The following PRRG1 variants were observed in gnomAD, a reference collection of about 807,000 sequenced individuals.
PRRG1 encodes the protein proline rich and Gla domain 1.
Under a neutral mutation model 11.8 loss-of-function variants are expected in PRRG1, and 5 were observed. The observed-to-expected ratio is 0.42, with a 90% CI of 0.22 to 0.89. The LOEUF (loss-of-function observed/expected upper bound fraction) is 0.89, where lower values mean the gene tolerates loss of function less well. PRRG1 is among the 40% of genes least tolerant of loss of function. The pLI is 0.28. For missense variants in PRRG1, 155 were observed against 166.1 expected (o/e 0.93, Z 0.37); for synonymous variants, 66 against 60.4 (o/e 1.09, Z -0.43).
intron 3 of PRRG1, chrX:37,441,343 A>G: frequency 1.3e-6 from 1 of 756,211 alleles, no homozygotes; most frequent in African/African-American, 2.3e-5. Flanking sequence ...TGGGTTGCAC[A>G]TGGAACATAG....
intron 2 of PRRG1, among the ~76,000 whole-genome samples, chrX:37,423,441 T>C (rs1932715829): frequency 9.0e-6 from 1 of 110,628 alleles, no homozygotes; most frequent in African/African-American, 3.3e-5. Flanking sequence ...GTAAAAACAT[T>C]ATAGTAAGCC....
At chrX:37,451,087 G>A (rs1349635305) in intron 3 of PRRG1, among the ~76,000 whole-genome samples, 2 of 111,457 alleles carry the variant, frequency 1.8e-5, no homozygotes, top group African/African-American at 3.3e-5. Flanking sequence ...ACGCAATCTC[G>A]GCTCACCCGC....
At chrX:37,354,391 T>A (rs782131291) in intron 1 of PRRG1, among the ~76,000 whole-genome samples, 6 of 107,064 alleles carry the variant, frequency 5.6e-5, no homozygotes, top group South Asian at 4.1e-4. Context: ...ATTTTTATTT[T>A]TTTATTTTTT....
rs782550532 is a variant in PRRG1 at position 37,371,220 on chromosome X, T to C, written c.-42+21825T>C. Among the ~76,000 whole-genome samples the C allele has an allele frequency of 3.4e-4, 38 of 111,909 alleles. No homozygotes were observed. In the South Asian group the frequency reaches 0.014, roughly 41 times the overall value. On this transcript the variant is annotated intron_variant, in intron 1 of 3. Transcript: ENST00000378628. The stretch of plus-strand genomic sequence containing the variant: ...AACCAGACTCAAGGAAAGGATGAGA[T>C]GTCCAGCTGTGGAGAGTAGCTACCC...
chrX:37,391,476 A>G (rs1412705595), intron 1 of PRRG1, among the ~76,000 whole-genome samples: 2 of 111,874 alleles, frequency 1.8e-5, no homozygotes, highest in African/African-American at 3.2e-5. Flanking sequence ...AGGTAATAAA[A>G]GTATTATTAA....
intron 1 of PRRG1, among the ~76,000 whole-genome samples, chrX:37,405,051 C>T (rs1556381626): frequency 8.9e-6 from 1 of 111,753 alleles, no homozygotes; most frequent in East Asian, 2.8e-4. Context: ...TTTAAAGGCT[C>T]TGAAAAGTCT....
chrX:37,403,744 A>G (rs1932104609), intron 1 of PRRG1: 1 of 751,622 alleles, frequency 1.3e-6, no homozygotes, highest in African/African-American at 2.3e-5. Flanking sequence ...GAGGATCCGA[A>G]TGGAAAGATC....
chrX:37,441,978 C>T, intron 3 of PRRG1: 3 of 768,325 alleles, frequency 3.9e-6, no homozygotes, highest in Non-Finnish European at 4.7e-6. Flanking sequence ...TGGGTGACTA[C>T]CTGAGCAACC....
rs187798005 is a variant in PRRG1, at chrX:37,393,481, G to A, written c.-41-12728G>A. ...AAGGTTAAAATAATTGAAGAATTAA[G>A]CAAGCTCTTAGGTAATAGGTTATTT... On this transcript the variant is annotated intron_variant, in intron 1 of 3. Coordinates refer to ENST00000378628, the MANE Select transcript of PRRG1 (RefSeq NM_001142395.2). 6.2e-3 allele frequency among the ~76,000 whole-genome samples: 692 copies of A among 111,105 alleles called. 8 individuals are homozygous for A. Among genetic ancestry groups the A allele is most frequent in the African/African-American group, 0.022 (661 of 30,641 alleles).
chrX:37,364,017 T>C (rs1447997525), intron 1 of PRRG1, among the ~76,000 whole-genome samples: 3 of 111,459 alleles, frequency 2.7e-5, no homozygotes, highest in African/African-American at 9.8e-5. Context: ...TCCTTTTTTT[T>C]CTCATTTTGT....
intron 1 of PRRG1, among the ~76,000 whole-genome samples, chrX:37,349,767 C>T (rs1381289393): frequency 9.0e-6 from 1 of 111,116 alleles, no homozygotes; most frequent in Non-Finnish European, 1.9e-5. Context: ...AAGCTCATCC[C>T]TTCCTCCAGC....
chrX:37,430,114 A>G (rs1556389689), intron 3 of PRRG1, among the ~76,000 whole-genome samples: 1 of 111,622 alleles, frequency 9.0e-6, no homozygotes, highest in East Asian at 2.8e-4. Context: ...TATATACCAC[A>G]TTTTCTTTAT....
intron 3 of PRRG1, among the ~76,000 whole-genome samples, chrX:37,451,168 G>A (rs1254816459): frequency 9.0e-6 from 1 of 111,443 alleles, no homozygotes; most frequent in Admixed American, 9.5e-5. Context: ...ACAGGCATGC[G>A]CCACCACGCC....
intron 3 of PRRG1, chrX:37,441,666 C>T: frequency 1.2e-6 from 1 of 801,188 alleles, no homozygotes; most frequent in Non-Finnish European, 1.5e-6. Flanking sequence ...ACAATGCGGC[C>T]CTGGAGCACT....
intron 1 of PRRG1, among the ~76,000 whole-genome samples, chrX:37,394,096 A>T (rs1165987246): frequency 8.9e-6 from 1 of 112,454 alleles, no homozygotes; most frequent in African/African-American, 3.2e-5. Flanking sequence ...ATTTATCAAG[A>T]AGTCTTTTTG....
intron 1 of PRRG1, among the ~76,000 whole-genome samples, chrX:37,380,707 G>C (rs1371089990): frequency 9.0e-6 from 1 of 111,221 alleles, no homozygotes; most frequent in Non-Finnish European, 1.9e-5. Flanking sequence ...AGATAGATTT[G>C]AATCCACCTG....
chrX:37,386,674 G>GAGCC (rs1931341663), intron 1 of PRRG1: 1 of 111,837 alleles, frequency 8.9e-6, no homozygotes, highest in East Asian at 2.8e-4. Context: ...TATCATCATA[G>GAGCC]AGCCAGATTA....
intron 3 of PRRG1, among the ~76,000 whole-genome samples, chrX:37,429,428 T>G (rs1000880916): frequency 9.0e-6 from 1 of 111,658 alleles, no homozygotes; most frequent in Non-Finnish European, 1.9e-5. Flanking sequence ...CTTTCTCAAG[T>G]TCAAAGTTCC....
At chrX:37,397,841 T>C (rs782246418) in intron 1 of PRRG1, among the ~76,000 whole-genome samples, 3 of 100,561 alleles carry the variant, frequency 3.0e-5, no homozygotes, top group Non-Finnish European at 5.8e-5. Flanking sequence ...TTTTCTAATG[T>C]CTGGCTAAAA....
Sources: gnomAD v4.1 joint callset for allele counts (sites outside exome capture counted in the v4.1 genomes callset) on GRCh38, gnomAD v4.1.1 for gene constraint, MANE v1.5 for transcripts, NCBI Gene and HGNC (gene_info 2026-07-23, HGNC 2026-07-21) for gene names.